The following CYP2A6 variants were observed in gnomAD, a reference collection of about 807,000 sequenced individuals.
CYP2A6 encodes the protein cytochrome P450 family 2 subfamily A member 6.
A neutral mutation model predicts 42.3 loss-of-function variants in CYP2A6; 27 were observed. That is an observed-to-expected ratio of 0.64 (90% CI 0.47 to 0.88). The LOEUF (loss-of-function observed/expected upper bound fraction) is 0.88. CYP2A6 is among the 40% of genes least tolerant of loss of function. The probability of loss-of-function intolerance (pLI) is 0.00; values close to 1 mark genes in which losing one functional copy is unlikely to be tolerated. For synonymous variants in CYP2A6, 238 were observed against 246.3 expected, an observed-to-expected ratio of 0.97 and a Z score of 0.31; for missense variants, 628 against 646.0, an observed-to-expected ratio of 0.97 and a Z score of 0.30.
At position 40,848,841 on chromosome 19, in the gene CYP2A6, C is replaced by A. The variant is rs1251680258; in HGVS notation, c.344-78G>T. ...AGCGGAGCAGCTCCAAGGGGCTCCC[C>A]AAGGGTGGAGGAGAGAGGGAGTAGG... On this transcript the variant is annotated intron_variant, in intron 2 of 8. Transcript: ENST00000301141. The A allele has an allele frequency of 1.4e-5, 21 of 1,517,958 alleles. No homozygotes were observed. In the African/African-American group the frequency reaches 2.9e-4, roughly 21 times the overall value. 94.0% of individuals were successfully genotyped at this position (1,517,958 alleles called of 1,614,324 possible).
intron 8 of CYP2A6, among the ~76,000 whole-genome samples, 190 bp downstream of exon 8, chr19:40,844,441 T>C (rs1460875931): frequency 6.6e-6 from 1 of 151,334 alleles, no homozygotes; most frequent in African/African-American, 2.4e-5. Context: ...GATGTTTCCT[T>C]TCATTTTACC....
At chr19:40,850,046 G>C in intron 1 of CYP2A6, 66 bp from the exon 2 acceptor site, 1 of 1,592,092 alleles carries the variant, frequency 6.3e-7, no homozygotes, top group Non-Finnish European at 8.6e-7. Context: ...CCAGCACCGA[G>C]ATGTCATGTG....
intron 3 of CYP2A6, 62 bp downstream of exon 3, chr19:40,848,552 G>C (rs557923713): frequency 2.5e-6 from 4 of 1,594,910 alleles, no homozygotes; most frequent in South Asian, 1.1e-5. Context: ...CAGAACGCGC[G>C]CGGGTTCCTC....
rs758611446 is a variant in CYP2A6 at position 40,848,725 on chromosome 19, G to A, written c.382C>T (p.Arg128Trp). ...FSNGERAKQL[R>W]RFSIATLRDF... ...CGCAGGGTGGCGATGGAGAAGCGCCGGAGCTGCTTGGCGCGCTCCCCGTTG... is the reference window on the plus strand; with the variant it reads ...CGCAGGGTGGCGATGGAGAAGCGCCAGAGCTGCTTGGCGCGCTCCCCGTTG... The change falls in exon 3 of 9, where the codon CGG becomes TGG. Residue 128 changes from arginine to tryptophan, a missense_variant. Arg to Trp is a moderately radical substitution (Grantham distance 101). This residue lies in a region of CYP2A6 where 606 missense variants were observed against 568.1 expected (regional missense o/e 1.07). Transcript: ENST00000301141. 3.1e-6 allele frequency: 5 copies of A among 1,611,648 alleles called. No homozygotes were observed. Among genetic ancestry groups the A allele is most frequent in the East Asian group, 4.6e-5 (2 of 43,366 alleles).
At chr19:40,845,522 T>C (rs2083452141) in intron 6 of CYP2A6, 41 bp from the exon 7 acceptor site, 2 of 1,606,128 alleles carry the variant, frequency 1.2e-6, no homozygotes, top group South Asian at 1.1e-5. Flanking sequence ...TCTAGGGGTC[T>C]CAGAGCAGGA....
intron 4 of CYP2A6, 106 bp downstream of exon 4, chr19:40,848,113 G>A: frequency 6.4e-7 from 1 of 1,555,656 alleles, no homozygotes; most frequent in South Asian, 1.2e-5. Flanking sequence ...GATTTTGAGG[G>A]GACACTGTCT....
chr19:40,845,392 C>T lies in CYP2A6; in HGVS notation c.1063G>A (p.Val355Met), dbSNP rs1394092987. 10 of 1,611,740 alleles carry T rather than the reference C, an allele frequency of 6.2e-6. No individual in the cohort carries two copies. In the Admixed American group the frequency reaches 6.7e-5, roughly 11 times the overall value. Residue 355 changes from valine (V) to methionine (M), a missense_variant, in exon 7 of 9, where the codon GTG becomes ATG. Physicochemically the swap from Val to Met is conservative, Grantham distance 21. Coordinates refer to ENST00000301141, the MANE Select transcript of CYP2A6 (RefSeq NM_000762.6). Reference sequence around the variant, plus strand: ...CCAAATCTTTGGATCTCGTGGATCACTGCCTCCATGTAGGGCATCTTGGCC... The same window carrying T: ...CCAAATCTTTGGATCTCGTGGATCATTGCCTCCATGTAGGGCATCTTGGCC... ...DRAKMPYMEA[V>M]IHEIQRFGDV...
chr19:40,846,473 A>G (rs1212621367), intron 5 of CYP2A6, among the ~76,000 whole-genome samples: 1 of 151,226 alleles, frequency 6.6e-6, no homozygotes, highest in Admixed American at 6.6e-5. Context: ...CATGCGCATG[A>G]CCATGCAGGC....
chr19:40,849,735 G>A lies in CYP2A6; in HGVS notation c.343+83C>T. 13 of 1,583,914 alleles carry A rather than the reference G, an allele frequency of 8.2e-6. No individual in the cohort carries two copies. The South Asian group carries it at 1.2e-4, about 14-fold the overall frequency. ...GGGACTCTGCCTTAGCCTCCAGTTG[G>A]CAGGAGAGTCAGGGAGAAGGCTGGG... On this transcript the variant is annotated intron_variant, in intron 2 of 8. Transcript: ENST00000301141.
At chr19:40,848,174 G>T (rs1194192404) in intron 4 of CYP2A6, 45 bp downstream of exon 4, 1 of 1,603,676 alleles carries the variant, frequency 6.2e-7, no homozygotes, top group Non-Finnish European at 8.5e-7. Flanking sequence ...GGAGCAGTTG[G>T]CAGGTTGTGG....
In CYP2A6 at chr19:40,846,168, T is replaced by C. The variant is rs1443748424; in HGVS notation, c.832-71A>G. 1.9e-6 allele frequency: 3 copies of C among 1,583,088 alleles called. No individual in the cohort carries two copies. In the African/African-American group the frequency reaches 4.1e-5, roughly 22 times the overall value. On this transcript the variant is annotated intron_variant, in intron 5 of 8. Coordinates refer to ENST00000301141, the MANE Select transcript of CYP2A6 (RefSeq NM_000762.6). ...CAGGGCCCTTCTAGGGCTTTTCCTTTGGATCTACCTCTCTTTGGTTCAGAC... is the reference window on the plus strand; with the variant it reads ...CAGGGCCCTTCTAGGGCTTTTCCTTCGGATCTACCTCTCTTTGGTTCAGAC...
At chr19:40,849,255 G>T (rs1967178434) in intron 2 of CYP2A6, among the ~76,000 whole-genome samples, 1 of 150,864 alleles carries the variant, frequency 6.6e-6, no homozygotes, top group Non-Finnish European at 1.5e-5. Context: ...GTGAGATATG[G>T]GGAGATCTGG....
In CYP2A6 at chr19:40,849,997, G is replaced by A. The variant is rs1267671482; in HGVS notation, c.181-17C>T. On this transcript the variant is annotated splice_polypyrimidine_tract_variant and intron_variant, in intron 1 of 8. Transcript: ENST00000301141. Reference sequence around the variant, plus strand: ...CTCACTGATCTGATGGAGGTGGGTGGGAGTGGTTAGAGGGAGAAGCCTCCA... The same window carrying A: ...CTCACTGATCTGATGGAGGTGGGTGAGAGTGGTTAGAGGGAGAAGCCTCCA... 6.2e-7 allele frequency: 1 copy of A among 1,609,696 alleles called. No individual in the cohort carries two copies.
chr19:40,844,990 GT>G, intron 7 of CYP2A6: 1 of 680,410 alleles, frequency 1.5e-6, no homozygotes, highest in Non-Finnish European at 2.4e-6. Context: ...CTAGGCAGGA[GT>G]TTGGGGGACC....
At chr19:40,848,471 C>A in intron 3 of CYP2A6, 92 bp from the exon 4 acceptor site, 1 of 1,587,312 alleles carries the variant, frequency 6.3e-7, no homozygotes, top group Non-Finnish European at 8.6e-7. Flanking sequence ...CCTTGTTGAG[C>A]CAAATTCCCA....
chr19:40,846,484 T>A (rs964177718), intron 5 of CYP2A6, among the ~76,000 whole-genome samples: 1 of 151,332 alleles, frequency 6.6e-6, no homozygotes, highest in African/African-American at 2.4e-5. Flanking sequence ...CCATGCAGGC[T>A]CACTTACTTT....
chr19:40,846,935 G>A lies in CYP2A6; in HGVS notation c.771C>T (p.Arg257=), dbSNP rs1809811. The part of the protein sequence containing the change: ...FIAKKVEHNQ[R]TLDPNSPRDF... ...CCCGTGGGGAATTGGGATCCAGCGT[G>A]CGCTGGTTGTGCTCCACCTTCTTGG... The change falls in exon 5 of 9, where the codon CGC becomes CGT. Residue 257 remains arginine, a synonymous_variant. Transcript: ENST00000301141. The A allele has an allele frequency of 0.071, 115,127 of 1,611,046 alleles. 784 individuals carry two copies. The highest frequency in any genetic ancestry group is 0.076 in the African/African-American group (5,712 of 74,742).
At position 40,850,322 on chromosome 19, in the gene CYP2A6, C is replaced by G. The variant is rs112784824; in HGVS notation, c.105G>C (p.Pro35=). Residue 35 remains proline, a synonymous_variant, in exon 1 of 9, where the codon CCG becomes CCC. Coordinates refer to ENST00000301141, the MANE Select transcript of CYP2A6 (RefSeq NM_000762.6). ...CAATGAAGGGCAATGGGGTGGGTCC[C>G]GGAGGCAGCTTCCCCTTGCTCTTCC... ...QQRKSKGKLP[P]GPTPLPFIGN... The G allele has an allele frequency of 1.6e-5, 26 of 1,610,018 alleles. No individual in the cohort carries two copies. Among genetic ancestry groups the G allele is most frequent in the African/African-American group, 8.0e-5 (6 of 74,630 alleles).
At position 40,850,150 on chromosome 19, in the gene CYP2A6, T is replaced by C. The variant is rs191965231; in HGVS notation, c.180+97A>G. On this transcript the variant is annotated intron_variant, in intron 1 of 8. Transcript: ENST00000301141. Reference sequence around the variant, plus strand: ...GCTGAAACTCCAAAACTCCATTTCCTAAGACTCTGGTCCACACTGGTCAAC... The same window carrying C: ...GCTGAAACTCCAAAACTCCATTTCCCAAGACTCTGGTCCACACTGGTCAAC... 165 of 1,540,670 alleles carry C rather than the reference T, an allele frequency of 1.1e-4. 4 individuals carry two copies. In the African/African-American group the frequency reaches 1.4e-3, roughly 13 times the overall value.
Sources: gnomAD v4.1 joint callset for allele counts (sites outside exome capture counted in the v4.1 genomes callset) on GRCh38, gnomAD v4.1.1 for gene constraint, gnomAD v4.1.1 regional missense constraint, MANE v1.5 for transcripts, NCBI Gene and HGNC (gene_info 2026-07-23, HGNC 2026-07-21) for gene names.